The following CDH13 variants were observed in gnomAD, a reference collection of about 807,000 sequenced individuals.
CDH13 encodes the protein cadherin 13.
CDH13 carries 24 observed loss-of-function variants against 63.8 expected under a neutral mutation model. The observed-to-expected ratio is 0.38, with a 90% CI of 0.27 to 0.53. CDH13 has a LOEUF of 0.53. Ranked by LOEUF, CDH13 falls within the 20% of genes least tolerant of loss-of-function variation. The pLI, the probability that CDH13 is intolerant of heterozygous loss-of-function variation, is 0.85. For missense variants in CDH13, 1,049 were observed against 903.1 expected, an observed-to-expected ratio of 1.16 and a Z score of -2.07; for synonymous variants, 503 against 355.3, an observed-to-expected ratio of 1.42 and a Z score of -4.67.
At chr16:83,777,487 G>A (rs1382657551) in intron 11 of CDH13, among the ~76,000 whole-genome samples, 2 of 152,220 alleles carry the variant, frequency 1.3e-5, no homozygotes, top group Admixed American at 1.3e-4. Context: ...TGTGAGGTGC[G>A]GGGGCTTTCT....
chr16:83,410,170 AC>A (rs747291024), intron 6 of CDH13, among the ~76,000 whole-genome samples: 22 of 152,310 alleles, frequency 1.4e-4, no homozygotes, highest in Non-Finnish European at 2.2e-4. Context: ...GAAGTGAAGC[AC>A]CAAGATGCCA....
At chr16:82,934,043 T>C (rs2042587504) in intron 2 of CDH13, among the ~76,000 whole-genome samples, 1 of 152,332 alleles carries the variant, frequency 6.6e-6, no homozygotes, top group Middle Eastern at 3.4e-3. Flanking sequence ...GTGGCCCTTT[T>C]CTCACAGCTC....
rs190663697 is a variant in CDH13 at position 82,866,489 on chromosome 16, A to G, written c.157+8016A>G. 2.2e-4 allele frequency among the ~76,000 whole-genome samples: 31 copies of G among 142,756 alleles called. No homozygotes were observed. The East Asian group carries it at 6.7e-3, about 31-fold the overall frequency. 93.7% of individuals were successfully genotyped at this position (142,756 alleles called of 152,430 possible). On this transcript the variant is annotated intron_variant, in intron 2 of 13. Transcript: ENST00000567109. The stretch of plus-strand genomic sequence containing the variant: ...CTGCAACCTCTGCCTCCCGGGTTCA[A>G]GCGATTCTCCTGCCTCAGCTTCCTG...
At chr16:82,750,179 G>T (rs957785347) in intron 1 of CDH13, among the ~76,000 whole-genome samples, 2 of 152,270 alleles carry the variant, frequency 1.3e-5, no homozygotes, top group Admixed American at 1.3e-4. Context: ...AGAGGGCAGC[G>T]GTTGTAAACA....
At chr16:82,942,090 T>A (rs193261660) in intron 2 of CDH13, among the ~76,000 whole-genome samples, 1 of 152,344 alleles carries the variant, frequency 6.6e-6, no homozygotes, top group East Asian at 1.9e-4. Flanking sequence ...TATTGCTTCT[T>A]GTGTCCTGTT....
intron 1 of CDH13, among the ~76,000 whole-genome samples, chr16:82,793,107 G>A (rs1402606169): frequency 6.6e-6 from 1 of 152,214 alleles, no homozygotes; most frequent in Non-Finnish European, 1.5e-5. Flanking sequence ...GGCATTTCAG[G>A]GGCGACTAAA....
At chr16:83,343,538 C>A (rs1206481123) in intron 5 of CDH13, among the ~76,000 whole-genome samples, 1 of 152,126 alleles carries the variant, frequency 6.6e-6, no homozygotes, top group Non-Finnish European at 1.5e-5. Context: ...TTGAATTTTG[C>A]CATGCTTTTG....
At chr16:82,674,829 GAC>G (rs1039710321) in intron 1 of CDH13, among the ~76,000 whole-genome samples, 5 of 152,174 alleles carry the variant, frequency 3.3e-5, no homozygotes, top group Admixed American at 3.3e-4. Context: ...TGCCTTCTGA[GAC>G]ACAAATGGAT....
intron 2 of CDH13, among the ~76,000 whole-genome samples, chr16:82,986,952 A>G (rs1395515308): frequency 6.6e-6 from 1 of 152,198 alleles, no homozygotes; most frequent in African/African-American, 2.4e-5. Context: ...AACAGAAAAC[A>G]TGTGAGGAAA....
At chr16:82,688,715 A>G (rs761139787) in intron 1 of CDH13, among the ~76,000 whole-genome samples, 4 of 152,230 alleles carry the variant, frequency 2.6e-5, no homozygotes, top group Non-Finnish European at 4.4e-5. Flanking sequence ...TCTTACCTTC[A>G]TTTAAAAAAT....
chr16:83,101,351 A>G (rs571905584), intron 3 of CDH13, among the ~76,000 whole-genome samples: 87 of 150,578 alleles, frequency 5.8e-4, no homozygotes, highest in African/African-American at 1.9e-3. Flanking sequence ...TGTAGTATAT[A>G]TAGAACACCA....
At chr16:83,153,550 C>T (rs974225558) in intron 4 of CDH13, among the ~76,000 whole-genome samples, 14 of 152,156 alleles carry the variant, frequency 9.2e-5, no homozygotes, top group Admixed American at 5.2e-4. Flanking sequence ...AAACTAAGCT[C>T]CTCCCAAAGT....
At chr16:83,074,192 C>T (rs73598120) in intron 3 of CDH13, among the ~76,000 whole-genome samples, 2,427 of 152,288 alleles carry the variant, frequency 0.016, 49 homozygotes, top group African/African-American at 0.055. Context: ...CACCATTGCG[C>T]TCTTTTTCTC....
intron 8 of CDH13, among the ~76,000 whole-genome samples, chr16:83,647,307 T>C (rs6563958): frequency 2.1e-5 from 3 of 144,280 alleles, no homozygotes; most frequent in African/African-American, 7.8e-5. Flanking sequence ...AGTGAGACTC[T>C]GTCTCAAAAA....
chr16:82,737,608 G>T (rs776890726), intron 1 of CDH13, among the ~76,000 whole-genome samples: 2 of 152,116 alleles, frequency 1.3e-5, no homozygotes, highest in Non-Finnish European at 2.9e-5. Flanking sequence ...AGTGTGGTGG[G>T]GATTTGAGGG....
chr16:83,748,043 A>G (rs1488854685), intron 10 of CDH13, 65 bp from the exon 11 acceptor site: 8 of 1,569,694 alleles, frequency 5.1e-6, no homozygotes, highest in Middle Eastern at 1.7e-4. Context: ...CATGCCCTGC[A>G]CTCTGTAAAT....
intron 8 of CDH13, among the ~76,000 whole-genome samples, chr16:83,612,977 T>A (rs538823483): frequency 6.6e-6 from 1 of 152,230 alleles, no homozygotes; most frequent in African/African-American, 2.4e-5. Flanking sequence ...TTAAAAATAC[T>A]GCAAGTCTGC....
At chr16:83,336,437 A>G (rs889532209) in intron 5 of CDH13, among the ~76,000 whole-genome samples, 1 of 152,190 alleles carries the variant, frequency 6.6e-6, no homozygotes. Context: ...TACGCTAAAA[A>G]ACATTTTAGT....
At chr16:82,850,662 G>C (rs1324329446) in intron 1 of CDH13, among the ~76,000 whole-genome samples, 2 of 152,136 alleles carry the variant, frequency 1.3e-5, no homozygotes, top group African/African-American at 4.8e-5. Context: ...GAAATCATTC[G>C]TGAAAGGAAG....
Sources: allele counts gnomAD v4.1 joint callset (sites outside exome capture counted in the v4.1 genomes callset), GRCh38; gene constraint gnomAD v4.1.1; transcripts MANE v1.5; gene names NCBI Gene and HGNC (gene_info 2026-07-23, HGNC 2026-07-21).